Variants in TNKS observed in about 807,000 individuals in gnomAD.
TNKS encodes the protein tankyrase.
In TNKS, 72 loss-of-function variants were observed where a neutral mutation model predicts 135.8. The observed-to-expected ratio is 0.53, with a 90% CI of 0.44 to 0.64. The LOEUF (loss-of-function observed/expected upper bound fraction) is 0.64. Among genes scored for constraint, TNKS ranks in the 30% least tolerant of loss-of-function variants. TNKS has a pLI of 0.00. For missense variants in TNKS, 1,769 were observed against 1,674.0 expected (o/e 1.06, Z -0.99); for synonymous variants, 849 against 649.3 (o/e 1.31, Z -4.68).
chr8:9,734,831 A>T (rs780315234), intron 15 of TNKS, 34 bp from the exon 16 acceptor site: 1 of 1,578,096 alleles, frequency 6.3e-7, no homozygotes, highest in Non-Finnish European at 8.6e-7. Context: ...TACTACAGAA[A>T]ATACAAACCC....
chr8:9,685,938 C>G (rs755437131), intron 5 of TNKS, among the ~76,000 whole-genome samples: 1 of 152,062 alleles, frequency 6.6e-6, no homozygotes, highest in Non-Finnish European at 1.5e-5. Context: ...ATCAGTACCC[C>G]CGTCTCTCAG....
intron 3 of TNKS, among the ~76,000 whole-genome samples, chr8:9,663,955 C>T (rs915406021): frequency 6.6e-6 from 1 of 152,142 alleles, no homozygotes; most frequent in African/African-American, 2.4e-5. Context: ...ATATCATTCC[C>T]TCCCTGGAGA....
chr8:9,556,103 C>T lies in TNKS; in HGVS notation c.164C>T (p.Pro55Leu). The change falls in exon 1 of 27, where the codon CCC (proline) becomes CTC (leucine). Residue 55 changes from proline (P) to leucine (L), a missense_variant. Pro to Leu is a moderately conservative substitution (Grantham distance 98). This residue lies in a region of TNKS where 450 missense variants were observed against 304.9 expected (regional missense o/e 1.48). Transcript: ENST00000310430. ...PASPTASGLA[P>L]FASPRHGLAL... The stretch of plus-strand genomic sequence containing the variant: ...TCTCCCACGGCCAGCGGCCTGGCCC[C>T]CTTCGCCTCCCCGCGGCACGGCCTA... 6 of 1,601,068 alleles carry T rather than the reference C, an allele frequency of 3.7e-6. No homozygotes were observed. In the South Asian group the frequency reaches 5.6e-5, roughly 15 times the overall value.
At chr8:9,707,412 G>A (rs759918641) in intron 8 of TNKS, among the ~76,000 whole-genome samples, 4 of 151,958 alleles carry the variant, frequency 2.6e-5, no homozygotes, top group Admixed American at 6.5e-5. Flanking sequence ...AACCTCTTAT[G>A]GGCTTACGTT....
At chr8:9,684,084 G>C (rs186338669) in intron 5 of TNKS, among the ~76,000 whole-genome samples, 2 of 151,938 alleles carry the variant, frequency 1.3e-5, no homozygotes, top group Admixed American at 1.3e-4. Context: ...GGACATAGAT[G>C]TTATTTAGTC....
At chr8:9,603,411 C>T (rs776201317) in intron 2 of TNKS, among the ~76,000 whole-genome samples, 3 of 152,170 alleles carry the variant, frequency 2.0e-5, no homozygotes, top group African/African-American at 2.4e-5. Context: ...TCTCTAGTCA[C>T]GTTTCAAGAA....
intron 1 of TNKS, among the ~76,000 whole-genome samples, chr8:9,569,199 A>T (rs1046553467): frequency 5.3e-5 from 8 of 152,194 alleles, no homozygotes; most frequent in Admixed American, 4.6e-4. Context: ...TTCCTAAAAG[A>T]TTCTAATAAT....
At chr8:9,684,783 A>G (rs756662814) in intron 5 of TNKS, among the ~76,000 whole-genome samples, 2 of 152,114 alleles carry the variant, frequency 1.3e-5, no homozygotes, top group Non-Finnish European at 2.9e-5. Context: ...CACTGTGCTT[A>G]GTGTCATGGG....
At chr8:9,698,177 A>T (rs1803607707) in intron 5 of TNKS, among the ~76,000 whole-genome samples, 1 of 152,120 alleles carries the variant, frequency 6.6e-6, no homozygotes, top group Admixed American at 6.6e-5. Context: ...ACATGTTCTC[A>T]CTTATAAGTG....
intron 25 of TNKS, among the ~76,000 whole-genome samples, chr8:9,767,745 G>T (rs368890983): frequency 6.6e-6 from 1 of 151,962 alleles, no homozygotes; most frequent in Non-Finnish European, 1.5e-5. Flanking sequence ...AGATCATGCC[G>T]TCAGGAGATT....
intron 12 of TNKS, chr8:9,722,473 A>G (rs1402194486): frequency 1.3e-5 from 2 of 151,636 alleles, no homozygotes; most frequent in African/African-American, 2.4e-5. Flanking sequence ...AAGGAAATCT[A>G]TCTAGCATGT....
At position 9,720,473 on chromosome 8, in the gene TNKS, C is replaced by A; in HGVS notation, c.1849C>A (p.Pro617Thr). 6.2e-7 allele frequency: 1 copy of A among 1,614,106 alleles called. No individual in the cohort carries two copies. Among genetic ancestry groups the A allele is most frequent in the Non-Finnish European group, 8.5e-7 (1 of 1,180,012 alleles). Residue 617 changes from proline to threonine, a missense_variant, in exon 12 of 27, where the codon CCC becomes ACC. By Grantham distance (38) the Pro-to-Thr change is conservative. Coordinates refer to ENST00000310430, the MANE Select transcript of TNKS (RefSeq NM_003747.3). Reference protein sequence around the residue: ...CRLLLSYGSDPSIISLQGFTA... With the variant: ...CRLLLSYGSDTSIISLQGFTA... Reference sequence around the variant, plus strand: ...CCTCCTGCTGAGTTACGGCTCTGACCCCTCCATCATCTCCTTACAAGGCTT... The same window carrying A: ...CCTCCTGCTGAGTTACGGCTCTGACACCTCCATCATCTCCTTACAAGGCTT...
rs916556133 is a variant in TNKS, at chr8:9,566,409, A to G, written c.673+9797A>G. The G allele has an allele frequency of 2.6e-5, 4 of 152,142 alleles. No homozygotes were observed. In the East Asian group the frequency reaches 5.8e-4, roughly 22 times the overall value. The allele number at this position is 152,142 out of a possible 1,614,324, so 9.4% of individuals were successfully genotyped here. A position where few individuals can be genotyped will look rare whatever the true frequency, so the allele number is the denominator to read the frequency against. ...AAAATATAACTGTTATCCTATGTTA[A>G]TTTATGAAAGCAGATAAATATGGGG... On this transcript the variant is annotated intron_variant, in intron 1 of 26. Transcript: ENST00000310430.
intron 3 of TNKS, among the ~76,000 whole-genome samples, chr8:9,633,339 G>C (rs1800370358): frequency 6.6e-6 from 1 of 152,162 alleles, no homozygotes; most frequent in South Asian, 2.1e-4. Context: ...ATAGGAGACT[G>C]GTTGAATAAT....
In TNKS at chr8:9,766,318, G is replaced by T; in HGVS notation, c.3633G>T (p.Gly1211=). The change falls in exon 25 of 27, where the codon GGG becomes GGT. Residue 1211 remains glycine, a synonymous_variant. Coordinates refer to ENST00000310430, the MANE Select transcript of TNKS (RefSeq NM_003747.3). ...HAYIGGMFGA[G]IYFAENSSKS... ...ACATAGGAGGAATGTTTGGGGCCGG[G>T]ATTTATTTTGCTGAAAACTCCTCAA... 1 of 1,613,816 alleles carries T rather than the reference G, an allele frequency of 6.2e-7. No homozygotes were observed. The highest frequency in any genetic ancestry group is 1.1e-5 in the South Asian group (1 of 91,072).
intron 1 of TNKS, among the ~76,000 whole-genome samples, chr8:9,570,414 G>T (rs1476141922): frequency 6.6e-6 from 1 of 152,190 alleles, no homozygotes; most frequent in Non-Finnish European, 1.5e-5. Flanking sequence ...TAAAATACAG[G>T]GAAGAGATTC....
At chr8:9,664,550 T>C (rs1801900310) in intron 3 of TNKS, among the ~76,000 whole-genome samples, 1 of 152,188 alleles carries the variant, frequency 6.6e-6, no homozygotes, top group African/African-American at 2.4e-5. Flanking sequence ...TTATCACTTA[T>C]CTGAGACACT....
intron 18 of TNKS, among the ~76,000 whole-genome samples, chr8:9,749,612 C>G (rs930154072): frequency 6.6e-6 from 1 of 151,930 alleles, no homozygotes; most frequent in African/African-American, 2.4e-5. Flanking sequence ...GTAGCTGGGA[C>G]TACAGGCACA....
chr8:9,672,257 C>T (rs1802306698), intron 3 of TNKS, among the ~76,000 whole-genome samples: 1 of 152,000 alleles, frequency 6.6e-6, no homozygotes, highest in Admixed American at 6.6e-5. Context: ...AGGGTAGGTA[C>T]CGTCCGCAGT....
Sources: allele counts gnomAD v4.1 joint callset (sites outside exome capture counted in the v4.1 genomes callset), GRCh38; gene constraint gnomAD v4.1.1; regional missense constraint gnomAD v4.1.1; transcripts MANE v1.5; gene names NCBI Gene and HGNC (gene_info 2026-07-23, HGNC 2026-07-21).